The following GLUD1 variants were observed in gnomAD, a reference collection of about 807,000 sequenced individuals.
The protein encoded by GLUD1 is glutamate dehydrogenase 1, mitochondrial.
Under a neutral mutation model 56.0 loss-of-function variants are expected in GLUD1, and 22 were observed. The observed-to-expected ratio is 0.39, with a 90% CI of 0.28 to 0.56. GLUD1 has a LOEUF of 0.56. GLUD1 is among the 20% of genes least tolerant of loss of function. The pLI is 0.58. For missense variants in GLUD1, 451 were observed against 732.0 expected, an observed-to-expected ratio of 0.62 and a Z score of 4.43; for synonymous variants, 223 against 269.9, an observed-to-expected ratio of 0.83 and a Z score of 1.70.
chr10:87,053,203 G>A (rs1845684335), intron 12 of GLUD1, 139 bp downstream of exon 12: 1 of 698,886 alleles, frequency 1.4e-6, no homozygotes, highest in Non-Finnish European at 2.6e-6. Flanking sequence ...GAAAAAACAT[G>A]TGTTTTGCTA....
chr10:87,076,583 T>C lies in GLUD1; in HGVS notation c.519A>G (p.Ala173=), dbSNP rs1846402228. 2 of 1,591,572 alleles carry C rather than the reference T, an allele frequency of 1.3e-6. No homozygotes were observed. The highest frequency in any genetic ancestry group is 1.7e-6 in the Non-Finnish European group (2 of 1,159,364). ...AGAAAGGCGATCACTTACCAACCACTGCACACTTGTATGTCATCAGAGAAG... is the reference window on the plus strand; with the variant it reads ...AGAAAGGCGATCACTTACCAACCACCGCACACTTGTATGTCATCAGAGAAG... ...ALASLMTYKC[A]VVDVPFGGAK... is the part of the protein sequence containing the mutation. Residue 173 remains alanine (A), a synonymous_variant, in exon 2 of 13, where the codon GCA becomes GCG. Coordinates refer to ENST00000277865, the MANE Select transcript of GLUD1 (RefSeq NM_005271.5).
In GLUD1 at chr10:87,091,145, C is replaced by T. The variant is rs976161724; in HGVS notation, c.445+3180G>A. Among the ~76,000 whole-genome samples the T allele has an allele frequency of 5.9e-5, 9 of 152,152 alleles. No homozygotes were observed. The East Asian group carries it at 1.4e-3, about 23-fold the overall frequency. ...TCAATGTATGAGAGAACTCCATCTA[C>T]GGTCCATCAACTATATGTAAATTAT... On this transcript the variant is annotated intron_variant, in intron 1 of 12. Coordinates refer to ENST00000277865, the MANE Select transcript of GLUD1 (RefSeq NM_005271.5).
intron 1 of GLUD1, among the ~76,000 whole-genome samples, chr10:87,085,365 A>AAC (rs398014366): frequency 4.4e-4 from 66 of 151,188 alleles, no homozygotes; most frequent in African/African-American, 1.5e-3. Flanking sequence ...AAAAAAAAAA[A>AAC]CCAGAAAAAT....
intron 12 of GLUD1, among the ~76,000 whole-genome samples, chr10:87,052,157 C>T (rs1845648942): frequency 6.6e-6 from 1 of 152,112 alleles, no homozygotes. Context: ...CAAGACCGGA[C>T]TTGCCAACAT....
chr10:87,091,624 C>T (rs1841511549), intron 1 of GLUD1: 2 of 958,220 alleles, frequency 2.1e-6, no homozygotes. Context: ...CATGTAGTAA[C>T]TGGGAAAAGA....
chr10:87,093,971 C>T (rs1311712054), intron 1 of GLUD1: 3 of 1,407,556 alleles, frequency 2.1e-6, no homozygotes, highest in Admixed American at 2.1e-5. Context: ...ATCACACGGG[C>T]AGGTCATTCC....
intron 4 of GLUD1, among the ~76,000 whole-genome samples, chr10:87,071,061 G>A (rs1396134195): frequency 5.9e-5 from 9 of 151,512 alleles, no homozygotes; most frequent in African/African-American, 1.2e-4. Flanking sequence ...CCCGGGAGGC[G>A]GAGCTTGCAG....
intron 1 of GLUD1, among the ~76,000 whole-genome samples, chr10:87,082,345 T>A (rs1280296299): frequency 1.3e-5 from 2 of 152,250 alleles, no homozygotes; most frequent in African/African-American, 2.4e-5. Context: ...AAAGACATGT[T>A]CCGCTGGATG....
chr10:87,056,125 A>AAAAAAAAACAAAAC (rs1845766441), intron 11 of GLUD1, among the ~76,000 whole-genome samples: 1 of 92,916 alleles, frequency 1.1e-5, no homozygotes, highest in African/African-American at 3.3e-5. Flanking sequence ...CAAAAAAAAA[A>AAAAAAAAACAAAAC]AAAAAAAAAA....
At chr10:87,070,237 G>A (rs957476749) in intron 4 of GLUD1, among the ~76,000 whole-genome samples, 1 of 152,196 alleles carries the variant, frequency 6.6e-6, no homozygotes, top group African/African-American at 2.4e-5. Context: ...AGGATGGCTT[G>A]AGTCCAGGAA....
chr10:87,081,784 T>G lies in GLUD1; in HGVS notation c.446-5128A>C, dbSNP rs1425746853. Among the ~76,000 whole-genome samples, 13 of 151,196 alleles carry G rather than the reference T, an allele frequency of 8.6e-5. 1 individual carries two copies. In the South Asian group the frequency reaches 2.7e-3, roughly 32 times the overall value. ...TAAGAGTCATCACCACTCCCTAATCTCAAGTACCCAGGGACACAAACACTG... is the reference window on the plus strand; with the variant it reads ...TAAGAGTCATCACCACTCCCTAATCGCAAGTACCCAGGGACACAAACACTG... On this transcript the variant is annotated intron_variant, in intron 1 of 12. Coordinates refer to ENST00000277865, the MANE Select transcript of GLUD1 (RefSeq NM_005271.5).
At chr10:87,053,226 G>A (rs1845685093) in intron 12 of GLUD1, 116 bp downstream of exon 12, 2 of 752,910 alleles carry the variant, frequency 2.7e-6, no homozygotes, top group South Asian at 1.4e-5. Flanking sequence ...CACAAATGAG[G>A]ACCATTGAAC....
At chr10:87,078,733 C>T (rs1841122994) in intron 1 of GLUD1, among the ~76,000 whole-genome samples, 1 of 152,066 alleles carries the variant, frequency 6.6e-6, no homozygotes, top group South Asian at 2.1e-4. Context: ...GTATACAAAA[C>T]TGGGAATGGG....
chr10:87,080,982 C>T (rs1262572950), intron 1 of GLUD1, among the ~76,000 whole-genome samples: 3 of 138,852 alleles, frequency 2.2e-5, no homozygotes, highest in Non-Finnish European at 4.7e-5. Flanking sequence ...GGGGGTCAGC[C>T]CCCCGCCCGG....
intron 11 of GLUD1, among the ~76,000 whole-genome samples, chr10:87,056,134 A>AC (rs1845767617): frequency 6.7e-6 from 1 of 149,176 alleles, no homozygotes; most frequent in Non-Finnish European, 1.5e-5. Flanking sequence ...AAAAAAAAAA[A>AC]AAAAAACCAA....
intron 4 of GLUD1, 147 bp from the exon 5 acceptor site, chr10:87,068,304 A>C: frequency 1.5e-6 from 1 of 656,702 alleles, no homozygotes; most frequent in East Asian, 2.8e-5. Context: ...AAAGTCATAG[A>C]AATATTCATT....
At chr10:87,089,529 C>T in intron 1 of GLUD1, 1 of 732,440 alleles carries the variant, frequency 1.4e-6, no homozygotes, top group Non-Finnish European at 1.7e-6. Flanking sequence ...ACACACAGAG[C>T]TGAATAAATG....
At position 87,053,343 on chromosome 10, in the gene GLUD1, C is replaced by T. The variant is rs1490054903; in HGVS notation, c.1556G>A (p.Arg519Lys). The T allele has an allele frequency of 2.5e-6, 4 of 1,605,130 alleles. No individual in the cohort carries two copies. The highest frequency in any genetic ancestry group is 3.4e-6 in the Non-Finnish European group (4 of 1,171,776). Reference protein sequence around the residue: ...GLAYTMERSARQIMRTAMKYN... With the variant: ...GLAYTMERSAKQIMRTAMKYN... ...GGCAAACAGCATCTGCACACATACC[C>T]TGGCAGAACGCTCCATTGTGTATGC... Residue 519 changes from arginine (R) to lysine (K), a missense_variant and splice_region_variant, in exon 12 of 13, where the codon AGG becomes AAG. Coordinates refer to ENST00000277865, the MANE Select transcript of GLUD1 (RefSeq NM_005271.5).
intron 9 of GLUD1, 30 bp from the exon 10 acceptor site, chr10:87,059,303 G>C: frequency 1.2e-5 from 19 of 1,610,360 alleles, no homozygotes; most frequent in Non-Finnish European, 1.5e-5. Context: ...AAAGAAATTA[G>C]AAGATGATGG....
Sources: allele counts gnomAD v4.1 joint callset (sites outside exome capture counted in the v4.1 genomes callset), GRCh38; gene constraint gnomAD v4.1.1; transcripts MANE v1.5; gene names NCBI Gene and HGNC (gene_info 2026-07-23, HGNC 2026-07-21).